The following ITGA11 variants were observed in gnomAD, a reference collection of about 807,000 sequenced individuals.
The protein encoded by ITGA11 is integrin alpha-11.
ITGA11 carries 97 observed loss-of-function variants against 141.9 expected under a neutral mutation model. That is an observed-to-expected ratio of 0.68 (90% confidence interval 0.58 to 0.81). ITGA11 has a LOEUF of 0.81. ITGA11 is among the 30% of genes least tolerant of loss of function. The pLI, the probability that ITGA11 is intolerant of heterozygous loss-of-function variation, is 0.00. For synonymous variants in ITGA11, 658 were observed against 624.6 expected, an observed-to-expected ratio of 1.05 and a Z score of -0.80; for missense variants, 1,387 against 1,559.2, an observed-to-expected ratio of 0.89 and a Z score of 1.86.
chr15:68,402,283 G>A (rs1420244617), intron 2 of ITGA11, among the ~76,000 whole-genome samples: 3 of 151,916 alleles, frequency 2.0e-5, no homozygotes, highest in African/African-American at 7.3e-5. Context: ...ATCTTACTGG[G>A]GTGATAAAAA....
At chr15:68,371,885 G>A (rs962763758) in intron 2 of ITGA11, among the ~76,000 whole-genome samples, 1 of 152,140 alleles carries the variant, frequency 6.6e-6, no homozygotes, top group African/African-American at 2.4e-5. Context: ...AATTTGCAAT[G>A]AGACCGGTTT....
At chr15:68,340,899 T>A (rs1894545352) in intron 10 of ITGA11, 1 of 152,258 alleles carries the variant, frequency 6.6e-6, no homozygotes, top group Non-Finnish European at 1.5e-5. Flanking sequence ...AGGGCTGCCT[T>A]CTGGGTTACC....
chr15:68,416,172 A>G (rs1896882281), intron 1 of ITGA11, among the ~76,000 whole-genome samples: 1 of 152,216 alleles, frequency 6.6e-6, no homozygotes. Context: ...ATGCTTGTTA[A>G]CAAGTGACTT....
At position 68,322,399 on chromosome 15, in the gene ITGA11, T is replaced by G. The variant is rs28404208; in HGVS notation, c.2323-896A>C. On this transcript the variant is annotated intron_variant, in intron 18 of 29. Transcript: ENST00000315757. This position sits in a 1 kb window ranked among gnomAD's most constrained non-coding sequence, Gnocchi z 5.6. ...GCTGCCACAACATTCGGGCAAGAGA[T>G]GACGCTGGTGTCGGTGTGGTAGTGG... is the stretch of plus-strand genomic sequence containing the variant. 0.081 allele frequency among the ~76,000 whole-genome samples: 12,306 copies of G among 151,978 alleles called. 1,215 individuals carry two copies. The highest frequency in any genetic ancestry group is 0.24 in the African/African-American group (9,808 of 41,400).
intron 2 of ITGA11, among the ~76,000 whole-genome samples, chr15:68,389,094 CT>C (rs1896056629): frequency 1.3e-5 from 2 of 152,190 alleles, no homozygotes; most frequent in African/African-American, 4.8e-5. Context: ...ATCTGCTGTA[CT>C]CCTCTCACCC....
chr15:68,343,878 G>C (rs1282594147), intron 10 of ITGA11, among the ~76,000 whole-genome samples: 1 of 152,218 alleles, frequency 6.6e-6, no homozygotes, highest in African/African-American at 2.4e-5. Context: ...TGGGGTGTGG[G>C]CAGGAAAGGC....
intron 2 of ITGA11, among the ~76,000 whole-genome samples, chr15:68,401,401 G>A (rs1417878584): frequency 6.6e-6 from 1 of 152,020 alleles, no homozygotes; most frequent in South Asian, 2.1e-4. Flanking sequence ...CAAAAGACAC[G>A]TACATGAATG....
intron 2 of ITGA11, among the ~76,000 whole-genome samples, chr15:68,398,636 G>T (rs1164597276): frequency 1.4e-5 from 2 of 147,404 alleles, no homozygotes; most frequent in Non-Finnish European, 3.0e-5. Flanking sequence ...GGTATAAAAT[G>T]AATAGTATAA....
Position 68,335,688 on chromosome 15 carries a change from C to T in ITGA11, c.1425+9G>A, listed in dbSNP as rs200685922. The T allele has an allele frequency of 1.2e-4, 197 of 1,613,228 alleles. 1 individual carries two copies. The Middle Eastern group carries it at 2.3e-3, about 19-fold the overall frequency. ...CCTCCATCCCGGCCCCAGGCTCCCC[C>T]TCCATTACCTGCTGGCCCCGCATAG... On this transcript the variant is annotated intron_variant, in intron 12 of 29. Coordinates refer to ENST00000315757, the MANE Select transcript of ITGA11 (RefSeq NM_001004439.2). This position sits in a 1 kb window ranked among gnomAD's most constrained non-coding sequence, Gnocchi z 4.9.
rs1897007278 is a variant in ITGA11, at chr15:68,421,029, G to GAAACAGCA, written c.52+10985_52+10986insTGCTGTTT. ...CTGAGGTTTGGTGGGCAGGATGCCG[G>GAAACAGCA]AGTGTGTGCTGTGAGGAATGGTAAG... On this transcript the variant is annotated intron_variant, in intron 1 of 29. Transcript: ENST00000315757. 3.5e-5 allele frequency among the ~76,000 whole-genome samples: 2 copies of GAAACAGCA among 57,702 alleles called. 1 individual carries two copies. Among genetic ancestry groups the GAAACAGCA allele is most frequent in the Non-Finnish European group, 6.7e-5 (2 of 29,674 alleles). 37.9% of individuals were successfully genotyped at this position (57,702 alleles called of 152,430 possible). A position where few individuals can be genotyped will look rare whatever the true frequency, so the allele number is the denominator to read the frequency against.
chr15:68,371,916 G>C (rs1025905318), intron 2 of ITGA11, among the ~76,000 whole-genome samples: 1 of 152,086 alleles, frequency 6.6e-6, no homozygotes, highest in African/African-American at 2.4e-5. Flanking sequence ...AAAGAACAAG[G>C]GCCACTCCCT....
chr15:68,397,542 AT>A (rs1896335467), intron 2 of ITGA11, among the ~76,000 whole-genome samples: 1 of 40,364 alleles, frequency 2.5e-5, no homozygotes, highest in Non-Finnish European at 3.7e-5. Context: ...TATTTAAAAT[AT>A]TATATTTAAA....
chr15:68,408,490 G>A (rs1385482987), intron 1 of ITGA11, among the ~76,000 whole-genome samples: 2 of 152,162 alleles, frequency 1.3e-5, no homozygotes, highest in African/African-American at 4.8e-5. Flanking sequence ...CAGGGGATGA[G>A]TGGAGGGCAA....
In ITGA11 at chr15:68,357,158, A is replaced by G; in HGVS notation, c.742T>C (p.Phe248Leu). The G allele has an allele frequency of 6.2e-7, 1 of 1,610,540 alleles. No homozygotes were observed. The highest frequency in any genetic ancestry group is 1.1e-5 in the South Asian group (1 of 89,966). ...GTTCTACTTTTTTTTTACCGTGCAA[A>G]TTCAATGCCAAATGCCGTCCGGGTC... ...TETRTAFGIE[F>L]ARSEAFQKGG... is the part of the protein sequence containing the mutation. The change falls in exon 7 of 30, where the codon TTT becomes CTT. Residue 248 changes from phenylalanine (F) to leucine (L), a missense_variant. Phe to Leu is a conservative substitution (Grantham distance 22). Transcript: ENST00000315757.
intron 11 of ITGA11, among the ~76,000 whole-genome samples, chr15:68,338,500 A>C (rs1432137549): frequency 7.6e-6 from 1 of 131,638 alleles, no homozygotes. Context: ...CCCTAGGGCC[A>C]GGTGCTGTTG....
At position 68,339,527 on chromosome 15, in the gene ITGA11, C is replaced by T. The variant is rs1197246601; in HGVS notation, c.1249G>A (p.Glu417Lys). Residue 417 changes from glutamate (E) to lysine (K), a missense_variant, in exon 11 of 30, where the codon GAG becomes AAG. Transcript: ENST00000315757. ...AGGTATGCACCATGGTTCTTGAGCT[C>T]CTCGGGGAACTCTTTCAGGTAGGAC... ...RESYLKEFPE[E>K]LKNHGAYLGY... is the part of the protein sequence containing the mutation. 1.2e-6 allele frequency: 2 copies of T among 1,613,814 alleles called. No individual in the cohort carries two copies. Among genetic ancestry groups the T allele is most frequent in the Non-Finnish European group, 1.7e-6 (2 of 1,179,824 alleles).
chr15:68,384,342 C>T (rs764994171), intron 2 of ITGA11, among the ~76,000 whole-genome samples: 1 of 151,836 alleles, frequency 6.6e-6, no homozygotes, highest in East Asian at 1.9e-4. Flanking sequence ...ATGCAAGGAA[C>T]CTTAGGAGCT....
intron 21 of ITGA11, among the ~76,000 whole-genome samples, chr15:68,315,982 C>T (rs954602034): frequency 2.6e-5 from 4 of 152,216 alleles, no homozygotes; most frequent in Admixed American, 1.3e-4. Flanking sequence ...AGCCAGCCCC[C>T]CTCCCTCTTC....
chr15:68,370,096 C>T (rs74953508), intron 2 of ITGA11, among the ~76,000 whole-genome samples: 2 of 152,268 alleles, frequency 1.3e-5, no homozygotes, highest in African/African-American at 4.8e-5. Flanking sequence ...GATTCTCCCC[C>T]AGAGCCTGCG....
Sources: allele counts gnomAD v4.1 joint callset (sites outside exome capture counted in the v4.1 genomes callset), GRCh38; gene constraint gnomAD v4.1.1; non-coding constraint Gnocchi (gnomAD v3.1); transcripts MANE v1.5; gene names NCBI Gene and HGNC (gene_info 2026-07-23, HGNC 2026-07-21).